VAT1L: variants seen among roughly 807,000 people sequenced by gnomAD.
The protein encoded by VAT1L is vesicle amine transport 1 like.
A neutral mutation model predicts 44.1 loss-of-function variants in VAT1L; 34 were observed. The ratio of observed to expected loss-of-function variants is 0.77; its 90% confidence interval spans 0.59 to 1.03. VAT1L has a LOEUF of 1.03. Ranked by LOEUF, VAT1L falls within the 50% of genes least tolerant of loss-of-function variation. The pLI is 0.00. For missense variants in VAT1L, 615 were observed against 538.8 expected, an observed-to-expected ratio of 1.14 and a Z score of -1.40; for synonymous variants, 253 against 202.2, an observed-to-expected ratio of 1.25 and a Z score of -2.13.
rs1318709029 is a variant in VAT1L at position 77,979,416 on chromosome 16, T to C, written c.*1721T>C. ...TTTAGAGAGATAATGGGGCGTTTAT[T>C]CCCCTATTACCTTTGCTAAGTGCTA... is the stretch of plus-strand genomic sequence containing the variant. On this transcript the variant is annotated 3_prime_UTR_variant, in exon 9 of 9. Transcript: ENST00000302536. 2 of 152,168 alleles carry C rather than the reference T, an allele frequency of 1.3e-5. No homozygotes were observed. Among genetic ancestry groups the C allele is most frequent in the African/African-American group, 4.8e-5 (2 of 41,448 alleles). The allele number at this position is 152,168 out of a possible 1,614,324, so 9.4% of individuals were successfully genotyped here.
chr16:77,890,922 G>GAAAAAAA, intron 7 of VAT1L, among the ~76,000 whole-genome samples: 1 of 129,134 alleles, frequency 7.7e-6, no homozygotes, highest in Non-Finnish European at 1.7e-5. Flanking sequence ...AGACCCTGTC[G>GAAAAAAA]AAAAAAAAAA....
chr16:77,793,792 C>T lies in VAT1L; in HGVS notation c.233+4877C>T, dbSNP rs369421295. ...CTGAAAATGGGCTGAGGGCAGGCCACATCAGAAGAAAGCTACCAGATTGGT... is the reference window on the plus strand; with the variant it reads ...CTGAAAATGGGCTGAGGGCAGGCCATATCAGAAGAAAGCTACCAGATTGGT... On this transcript the variant is annotated intron_variant, in intron 1 of 8. Coordinates refer to ENST00000302536, the MANE Select transcript of VAT1L (RefSeq NM_020927.3). Among the ~76,000 whole-genome samples, 43 of 152,252 alleles carry T rather than the reference C, an allele frequency of 2.8e-4. 1 individual carries two copies. Among genetic ancestry groups the T allele is most frequent in the East Asian group, 1.9e-3 (10 of 5,162 alleles).
intron 1 of VAT1L, among the ~76,000 whole-genome samples, chr16:77,802,622 ACACACACACACACACACAC>A (rs1567468341): frequency 0.02 from 1,675 of 83,534 alleles, 8 homozygotes; most frequent in Non-Finnish European, 0.032. Context: ...TCAAACACAC[ACACACACACACACACACAC>A]ACACACACAC....
intron 8 of VAT1L, among the ~76,000 whole-genome samples, chr16:77,976,541 A>G (rs1014310298): frequency 1.3e-5 from 2 of 152,112 alleles, no homozygotes; most frequent in Non-Finnish European, 2.9e-5. Flanking sequence ...ATAAGCCATG[A>G]AGCAGCCAAG....
At chr16:77,937,204 A>T (rs899537782) in intron 7 of VAT1L, among the ~76,000 whole-genome samples, 1 of 152,146 alleles carries the variant, frequency 6.6e-6, no homozygotes, top group African/African-American at 2.4e-5. Flanking sequence ...TTGAGAGCCC[A>T]CCTGGGAGTA....
At chr16:77,798,540 G>C (rs539302577) in intron 1 of VAT1L, among the ~76,000 whole-genome samples, 4 of 152,274 alleles carry the variant, frequency 2.6e-5, no homozygotes, top group African/African-American at 9.6e-5. Flanking sequence ...AATAAATGAA[G>C]TGTGTGTGCC....
chr16:77,875,399 C>T (rs1323938856), intron 4 of VAT1L, among the ~76,000 whole-genome samples: 2 of 152,272 alleles, frequency 1.3e-5, no homozygotes, highest in Non-Finnish European at 2.9e-5. Context: ...GAGATATTTG[C>T]TAAGACAAGT....
intron 3 of VAT1L, among the ~76,000 whole-genome samples, chr16:77,842,149 A>G (rs773620802): frequency 5.3e-5 from 8 of 152,192 alleles, no homozygotes; most frequent in Non-Finnish European, 8.8e-5. Context: ...GGCCTCCCAA[A>G]GTGCTGGGAT....
At chr16:77,853,272 C>T (rs748397711) in intron 3 of VAT1L, among the ~76,000 whole-genome samples, 4 of 152,068 alleles carry the variant, frequency 2.6e-5, no homozygotes, top group Non-Finnish European at 5.9e-5. Context: ...TTGGTCATGC[C>T]CTGATCTACA....
intron 7 of VAT1L, among the ~76,000 whole-genome samples, chr16:77,941,660 G>A (rs12929311): frequency 0.22 from 33,974 of 151,962 alleles, 4,969 homozygotes; most frequent in Non-Finnish European, 0.31. Context: ...ATCTTGGCTC[G>A]CTGCAACCTC....
chr16:77,874,979 C>T (rs1281173919), intron 4 of VAT1L, among the ~76,000 whole-genome samples: 2 of 152,106 alleles, frequency 1.3e-5, no homozygotes, highest in African/African-American at 2.4e-5. Context: ...CACCACAGAC[C>T]TACAGGATCA....
rs139841735 is a variant in VAT1L, at chr16:77,955,950, C to A, written c.1078-15900C>A. Among the ~76,000 whole-genome samples, 3 of 152,206 alleles carry A rather than the reference C, an allele frequency of 2.0e-5. No homozygotes were observed. The East Asian group carries it at 5.8e-4, about 29-fold the overall frequency. On this transcript the variant is annotated intron_variant, in intron 7 of 8. Transcript: ENST00000302536. The stretch of plus-strand genomic sequence containing the variant: ...TGGTTGTATGAAGCGGGGTCTAAAG[C>A]CTAGTTTCTCTGTATCCACTGTTTA...
intron 7 of VAT1L, among the ~76,000 whole-genome samples, chr16:77,916,897 G>A (rs2017558028): frequency 1.3e-5 from 2 of 151,166 alleles, no homozygotes; most frequent in African/African-American, 4.9e-5. Context: ...GATTAGTAGC[G>A]ATTGCACTCA....
chr16:77,939,236 G>C (rs2017845182), intron 7 of VAT1L, among the ~76,000 whole-genome samples: 1 of 152,314 alleles, frequency 6.6e-6, no homozygotes, highest in South Asian at 2.1e-4. Context: ...CCAATTCTTT[G>C]AAACACCAGA....
intron 7 of VAT1L, among the ~76,000 whole-genome samples, chr16:77,894,343 A>G (rs1243555738): frequency 6.6e-6 from 1 of 152,180 alleles, no homozygotes; most frequent in African/African-American, 2.4e-5. Flanking sequence ...CTCATTGTTG[A>G]CCTTTCAGAA....
chr16:77,907,964 G>C (rs979213279), intron 7 of VAT1L, among the ~76,000 whole-genome samples: 1 of 152,188 alleles, frequency 6.6e-6, no homozygotes, highest in African/African-American at 2.4e-5. Context: ...AAAAGGGCTG[G>C]ACACGGGGGC....
intron 3 of VAT1L, among the ~76,000 whole-genome samples, chr16:77,855,493 C>T (rs1331782174): frequency 6.6e-6 from 1 of 152,152 alleles, no homozygotes; most frequent in East Asian, 1.9e-4. Flanking sequence ...TTAATGCATG[C>T]CCTTCATTGT....
intron 7 of VAT1L, among the ~76,000 whole-genome samples, chr16:77,917,741 G>C (rs934134386): frequency 8.5e-5 from 13 of 152,284 alleles, no homozygotes; most frequent in African/African-American, 2.9e-4. Flanking sequence ...GTAAATTCCA[G>C]AGAATGTAAG....
chr16:77,915,131 A>C, intron 7 of VAT1L, among the ~76,000 whole-genome samples: 1 of 152,220 alleles, frequency 6.6e-6, no homozygotes, highest in South Asian at 2.1e-4. Context: ...GTCTCAAAAA[A>C]AAAAAGAGTT....
Sources: gnomAD v4.1 joint callset for allele counts (sites outside exome capture counted in the v4.1 genomes callset) on GRCh38, gnomAD v4.1.1 for gene constraint, MANE v1.5 for transcripts, NCBI Gene and HGNC (gene_info 2026-07-23, HGNC 2026-07-21) for gene names.